Variants in AGGF1 observed in about 807,000 individuals in gnomAD.
AGGF1 encodes the protein angiogenic factor with G-patch and FHA domains 1.
In AGGF1, 56 loss-of-function variants were observed where a neutral mutation model predicts 86.5. The ratio of observed to expected loss-of-function variants is 0.65; its 90% CI spans 0.52 to 0.81. The LOEUF is 0.81. Among genes scored for constraint, AGGF1 ranks in the 30% least tolerant of loss-of-function variants. The pLI is 0.00. For synonymous variants in AGGF1, 313 were observed against 297.1 expected (o/e 1.05, Z -0.55); for missense variants, 816 against 850.9 (o/e 0.96, Z 0.51).
intron 12 of AGGF1, among the ~76,000 whole-genome samples, chr5:77,061,468 T>G (rs569383406): frequency 6.6e-6 from 1 of 152,368 alleles, no homozygotes; most frequent in Admixed American, 6.5e-5. Flanking sequence ...CATTTCTGAT[T>G]TGTTGCTATT....
chr5:77,057,236 C>G (rs1747477957), intron 11 of AGGF1, among the ~76,000 whole-genome samples: 1 of 152,170 alleles, frequency 6.6e-6, no homozygotes, highest in African/African-American at 2.4e-5. Context: ...GTTAGCCATT[C>G]TACTCTGAGA....
chr5:77,043,597 C>A (rs866432169), intron 5 of AGGF1, among the ~76,000 whole-genome samples: 1 of 51,034 alleles, frequency 2.0e-5, no homozygotes. Flanking sequence ...ACCCCCCCCC[C>A]CCCGGATGGC....
intron 11 of AGGF1, among the ~76,000 whole-genome samples, chr5:77,056,924 A>C (rs568023352): frequency 1.3e-5 from 2 of 152,332 alleles, no homozygotes; most frequent in Admixed American, 1.3e-4. Flanking sequence ...ATAAGAAAAC[A>C]ACTCAGTTAA....
chr5:77,036,836 C>G, intron 4 of AGGF1, 116 bp downstream of exon 4: 1 of 1,132,210 alleles, frequency 8.8e-7, no homozygotes, highest in Non-Finnish European at 1.3e-6. Flanking sequence ...CCCCCAGGTT[C>G]AAGTGATTCT....
At chr5:77,050,826 A>C (rs1294354283) in intron 8 of AGGF1, among the ~76,000 whole-genome samples, 4 of 152,202 alleles carry the variant, frequency 2.6e-5, no homozygotes, top group African/African-American at 9.6e-5. Flanking sequence ...TTCAAACTCC[A>C]CTGTGACACC....
intron 11 of AGGF1, among the ~76,000 whole-genome samples, chr5:77,059,065 A>T (rs960572848): frequency 6.6e-6 from 1 of 152,210 alleles, no homozygotes; most frequent in Non-Finnish European, 1.5e-5. Flanking sequence ...ACAGTGTCAA[A>T]CTACTATAGG....
rs73125837 is a variant in AGGF1 at position 77,033,120 on chromosome 5, A to G, written c.211-1298A>G. Among the ~76,000 whole-genome samples, 1,417 of 152,344 alleles carry G rather than the reference A, an allele frequency of 9.3e-3. 21 individuals are homozygous for G. The highest frequency in any genetic ancestry group is 0.032 in the African/African-American group (1,344 of 41,574). ...AGTCTTGACTCTACTTTGAATAGTGATAACTCCTTACTCTCCTAGTCAGCC... is the reference window on the plus strand; with the variant it reads ...AGTCTTGACTCTACTTTGAATAGTGGTAACTCCTTACTCTCCTAGTCAGCC... On this transcript the variant is annotated intron_variant, in intron 1 of 13. Transcript: ENST00000312916.
Position 77,046,673 on chromosome 5 carries a change from T to G in AGGF1, c.1197T>G (p.Asp399Glu). ...ATGTAACTGCAGAAGATAGTGAGGATGAAGGTGAGTAAATAATCATTATTT... is the reference window on the plus strand; with the variant it reads ...ATGTAACTGCAGAAGATAGTGAGGAGGAAGGTGAGTAAATAATCATTATTT... ...EGNVTAEDSEDEDEDKIWPPC... is the reference protein window; with the variant it reads ...EGNVTAEDSEEEDEDKIWPPC... The change falls in exon 6 of 14, where the codon GAT (aspartate) becomes GAG (glutamate). Residue 399 changes from aspartate (D) to glutamate (E), a missense_variant. Physicochemically the swap from Asp to Glu is conservative, Grantham distance 45. Coordinates refer to ENST00000312916, the MANE Select transcript of AGGF1 (RefSeq NM_018046.5). The G allele has an allele frequency of 6.2e-7, 1 of 1,613,542 alleles. No homozygotes were observed. The highest frequency in any genetic ancestry group is 1.1e-5 in the South Asian group (1 of 91,012).
In AGGF1 at chr5:77,030,539, G is replaced by A; in HGVS notation, c.-228G>A. ...TCCAGGAAAGTTTTCCGGTTTGCAG[G>A]CCGCGCACATCGGGCAGGGGCCATC... On this transcript the variant is annotated 5_prime_UTR_variant, in exon 1 of 14. Transcript: ENST00000312916. 2 of 693,918 alleles carry A rather than the reference G, an allele frequency of 2.9e-6. No homozygotes were observed. Among genetic ancestry groups the A allele is most frequent in the South Asian group, 3.0e-5 (2 of 66,726 alleles). The allele number at this position is 693,918 out of a possible 1,614,324, so 43.0% of individuals were successfully genotyped here.
chr5:77,055,450 A>T, intron 10 of AGGF1, 64 bp from the exon 11 acceptor site: 3 of 1,014,964 alleles, frequency 3.0e-6, no homozygotes, highest in Non-Finnish European at 1.5e-6. Flanking sequence ...AAATAACATT[A>T]GTTTTAATTT....
chr5:77,036,737 T>G lies in AGGF1; in HGVS notation c.681+17T>G, dbSNP rs769906119. ...TATGATTCTGTAAGTATCTCAGACC[T>G]TTTTGTTTTGTTTTGTTTTTGAGAC... On this transcript the variant is annotated intron_variant, in intron 4 of 13. Transcript: ENST00000312916. The G allele has an allele frequency of 3.1e-6, 5 of 1,611,158 alleles. No homozygotes were observed. Among genetic ancestry groups the G allele is most frequent in the Non-Finnish European group, 1.7e-6 (2 of 1,179,344 alleles).
At position 77,035,554 on chromosome 5, in the gene AGGF1, G is replaced by C. The variant is rs1299483210; in HGVS notation, c.327G>C (p.Gln109His). ...TTTTTGCTACAGATTATTTTTATCA[G>C]ACGTACTACAATGACGTTAGTCTTC... is the stretch of plus-strand genomic sequence containing the variant. ...APWSISDYFY[Q>H]TYYNDVSLPN... Residue 109 changes from glutamine (Q) to histidine (H), a missense_variant, in exon 3 of 14, where the codon CAG becomes CAC. Transcript: ENST00000312916. 1 of 1,611,854 alleles carries C rather than the reference G, an allele frequency of 6.2e-7. No individual in the cohort carries two copies. Among genetic ancestry groups the C allele is most frequent in the Admixed American group, 1.7e-5 (1 of 59,938 alleles).
In AGGF1 at chr5:77,059,758, A is replaced by G. The variant is rs1309186624; in HGVS notation, c.1844+15A>G. 6.2e-7 allele frequency: 1 copy of G among 1,613,172 alleles called. No individual in the cohort carries two copies. Among genetic ancestry groups the G allele is most frequent in the East Asian group, 2.2e-5 (1 of 44,866 alleles). On this transcript the variant is annotated intron_variant, in intron 12 of 13. Coordinates refer to ENST00000312916, the MANE Select transcript of AGGF1 (RefSeq NM_018046.5). The stretch of plus-strand genomic sequence containing the variant: ...TCTGTTCATTCGTAAGTTTTGAATT[A>G]CAGTGGCTCGAAACATCCTTTGTTC...
In AGGF1 at chr5:77,035,706, AAT is replaced by A. The variant is rs1404351487; in HGVS notation, c.483_484del (p.Tyr161Ter). On this transcript the variant is annotated frameshift_variant, in exon 3 of 14. Transcript: ENST00000312916. LOFTEE classifies it high-confidence loss of function. ...GGTACCGATAGAACAGAAAATGTTA[AAT>A]ATAGACAAGTGGACCATTTTGCCTC... is the stretch of plus-strand genomic sequence containing the variant. 1.2e-6 allele frequency: 2 copies of A among 1,613,536 alleles called. No homozygotes were observed. The highest frequency in any genetic ancestry group is 1.3e-5 in the African/African-American group (1 of 74,918).
At chr5:77,051,192 G>C (rs1174985742) in intron 8 of AGGF1, among the ~76,000 whole-genome samples, 2 of 152,118 alleles carry the variant, frequency 1.3e-5, no homozygotes, top group Non-Finnish European at 2.9e-5. Context: ...CCAGCACTTT[G>C]GGAGGCTAAG....
rs780724935 is a variant in AGGF1, at chr5:77,055,589, G to A, written c.1709G>A (p.Gly570Asp). The A allele has an allele frequency of 6.3e-7, 1 of 1,576,562 alleles. No individual in the cohort carries two copies. Among genetic ancestry groups the A allele is most frequent in the Non-Finnish European group, 8.7e-7 (1 of 1,147,610 alleles). Residue 570 changes from glycine (G) to aspartate (D), a missense_variant, in exon 11 of 14, where the codon GGT becomes GAT. This residue lies in a region of AGGF1 where 565 missense variants were observed against 585.8 expected (regional missense o/e 0.96). Coordinates refer to ENST00000312916, the MANE Select transcript of AGGF1 (RefSeq NM_018046.5). ...KELKKIRVKY[G>D]LQNTEYEDEK... ...TTAAAGAAAATACGAGTAAAATATG[G>A]TTTACAGGTGAGGATGTTGAATATT... is the stretch of plus-strand genomic sequence containing the variant.
chr5:77,043,545 CA>C (rs1747177109), intron 5 of AGGF1, among the ~76,000 whole-genome samples: 3 of 144,174 alleles, frequency 2.1e-5, no homozygotes, highest in South Asian at 2.2e-4. Context: ...CTGACCCCCC[CA>C]CCTCCCTCCC....
intron 10 of AGGF1, 74 bp downstream of exon 10, chr5:77,054,204 T>C: frequency 5.1e-6 from 8 of 1,559,688 alleles, no homozygotes; most frequent in Non-Finnish European, 7.1e-6. Flanking sequence ...AAAACATCAG[T>C]CAGCTACTGG....
intron 5 of AGGF1, 47 bp from the exon 6 acceptor site, chr5:77,046,300 T>G: frequency 6.9e-7 from 1 of 1,451,042 alleles, no homozygotes; most frequent in South Asian, 1.1e-5. Context: ...TAGTGATGTT[T>G]AAGAGTATTC....
Sources: allele counts gnomAD v4.1 joint callset (sites outside exome capture counted in the v4.1 genomes callset), GRCh38; gene constraint gnomAD v4.1.1; regional missense constraint gnomAD v4.1.1; transcripts MANE v1.5; gene names NCBI Gene and HGNC (gene_info 2026-07-23, HGNC 2026-07-21).